The following DIS3L2 variants were observed in gnomAD, a reference collection of about 807,000 sequenced individuals.
The protein encoded by DIS3L2 is DIS3 like 3'-5' exoribonuclease 2.
A neutral mutation model predicts 97.5 loss-of-function variants in DIS3L2; 34 were observed. The ratio of observed to expected loss-of-function variants is 0.35; its 90% CI spans 0.27 to 0.46. The LOEUF is 0.46. Ranked by LOEUF, DIS3L2 falls within the 20% of genes least tolerant of loss-of-function variation. The pLI is 1.00. For synonymous variants in DIS3L2, 435 were observed against 445.2 expected (o/e 0.98, Z 0.29); for missense variants, 1,038 against 1,146.0 (o/e 0.91, Z 1.36).
intron 9 of DIS3L2, among the ~76,000 whole-genome samples, chr2:232,172,278 C>T (rs1410308437): frequency 6.6e-6 from 1 of 152,086 alleles, no homozygotes; most frequent in Non-Finnish European, 1.5e-5. Flanking sequence ...AAAATCAATT[C>T]CATTAGCAGT....
Position 232,018,196 on chromosome 2 carries a change from C to T in DIS3L2, c.210+2525C>T, listed in dbSNP as rs540811388. On this transcript the variant is annotated intron_variant, in intron 3 of 20. Transcript: ENST00000325385. Reference sequence around the variant, plus strand: ...CAGCGAAGGAGAGGACAGCGTTCTGCAGTGATATTAGCTTCAGCTCCCTTT... The same window carrying T: ...CAGCGAAGGAGAGGACAGCGTTCTGTAGTGATATTAGCTTCAGCTCCCTTT... Among the ~76,000 whole-genome samples, 40 of 152,288 alleles carry T rather than the reference C, an allele frequency of 2.6e-4. 1 individual carries two copies. In the South Asian group the frequency reaches 8.3e-3, roughly 32 times the overall value.
chr2:232,222,975 T>C (rs563908685), intron 10 of DIS3L2, among the ~76,000 whole-genome samples: 5 of 152,340 alleles, frequency 3.3e-5, no homozygotes, highest in Non-Finnish European at 7.3e-5. Flanking sequence ...CTCTAAGTCT[T>C]ATTCCTATGT....
intron 6 of DIS3L2, among the ~76,000 whole-genome samples, chr2:232,097,495 C>T (rs368500197): frequency 5.3e-5 from 8 of 152,124 alleles, no homozygotes; most frequent in Admixed American, 3.3e-4. Context: ...TTTCCACAGG[C>T]AGAGGAGCCT....
chr2:232,312,381 G>A (rs756506532), intron 14 of DIS3L2, among the ~76,000 whole-genome samples: 6 of 152,088 alleles, frequency 3.9e-5, no homozygotes, highest in Non-Finnish European at 8.8e-5. Context: ...CCATAGCTTA[G>A]CACTGCCACC....
chr2:232,122,470 ATTTTGG>A (rs1559651248), intron 6 of DIS3L2, among the ~76,000 whole-genome samples: 1 of 152,174 alleles, frequency 6.6e-6, no homozygotes. Context: ...TAATCCCAGC[ATTTTGG>A]AAGGCCGAGG....
chr2:232,256,811 T>C (rs970796970), intron 12 of DIS3L2, among the ~76,000 whole-genome samples: 5 of 151,898 alleles, frequency 3.3e-5, no homozygotes, highest in African/African-American at 1.2e-4. Flanking sequence ...AAAATATAAA[T>C]GAATGAATAA....
chr2:232,002,231 T>C (rs72987604), intron 1 of DIS3L2, among the ~76,000 whole-genome samples: 2,145 of 152,308 alleles, frequency 0.014, 23 homozygotes, highest in Non-Finnish European at 0.021. Context: ...CATTGCTCTG[T>C]GTGTCTGCTT....
intron 2 of DIS3L2, 115 bp from the exon 3 acceptor site, chr2:232,015,399 G>A: frequency 7.4e-7 from 1 of 1,355,918 alleles, no homozygotes; most frequent in Non-Finnish European, 9.9e-7. Flanking sequence ...CCATCAGGGA[G>A]TTTCAGTCTC....
chr2:232,032,371 G>C (rs556250210), intron 5 of DIS3L2, among the ~76,000 whole-genome samples: 16 of 152,230 alleles, frequency 1.1e-4, no homozygotes, highest in South Asian at 2.1e-4. Context: ...TTGTAAATTT[G>C]TTTAAGTTCC....
chr2:232,143,797 C>G (rs1455711207), intron 8 of DIS3L2, among the ~76,000 whole-genome samples: 1 of 152,178 alleles, frequency 6.6e-6, no homozygotes, highest in East Asian at 1.9e-4. Context: ...ATCACCAATA[C>G]TGTTCAAGTT....
chr2:232,175,475 G>T (rs1691124606), intron 9 of DIS3L2, among the ~76,000 whole-genome samples: 1 of 152,084 alleles, frequency 6.6e-6, no homozygotes, highest in Non-Finnish European at 1.5e-5. Flanking sequence ...TAGTTTTCTT[G>T]TGATAACTTT....
At chr2:232,086,590 T>TAC (rs1696628791) in intron 5 of DIS3L2, among the ~76,000 whole-genome samples, 1 of 126,068 alleles carries the variant, frequency 7.9e-6, no homozygotes, top group African/African-American at 3.1e-5. Context: ...CCTTTAAATA[T>TAC]ATATATATAT....
chr2:231,962,108 C>T (rs922003944), intron 1 of DIS3L2, among the ~76,000 whole-genome samples: 8 of 152,150 alleles, frequency 5.3e-5, no homozygotes, highest in Admixed American at 2.6e-4. Context: ...TCCCGAGGCT[C>T]GGGTCACCTG....
At chr2:232,203,801 C>A (rs1691960000) in intron 9 of DIS3L2, among the ~76,000 whole-genome samples, 1 of 152,106 alleles carries the variant, frequency 6.6e-6, no homozygotes, top group South Asian at 2.1e-4. Flanking sequence ...TGAGGGTTTA[C>A]TGGAAAAAAG....
intron 6 of DIS3L2, among the ~76,000 whole-genome samples, chr2:232,118,900 G>C (rs1003603162): frequency 6.6e-6 from 1 of 152,150 alleles, no homozygotes; most frequent in Admixed American, 6.5e-5. Flanking sequence ...AGGGGCCTTC[G>C]TGGATCTCAG....
intron 1 of DIS3L2, among the ~76,000 whole-genome samples, chr2:231,991,171 T>G (rs1693576388): frequency 1.3e-5 from 2 of 152,098 alleles, no homozygotes; most frequent in African/African-American, 4.8e-5. Flanking sequence ...TCTCCCAAAG[T>G]GCTAGGATTA....
intron 13 of DIS3L2, among the ~76,000 whole-genome samples, chr2:232,277,789 A>T (rs1412671675): frequency 6.6e-6 from 1 of 152,184 alleles, no homozygotes; most frequent in Non-Finnish European, 1.5e-5. Context: ...CCTAGATGGG[A>T]TAGCCTACGA....
intron 8 of DIS3L2, among the ~76,000 whole-genome samples, chr2:232,143,305 G>T (rs1049872356): frequency 1.6e-4 from 24 of 152,026 alleles, no homozygotes; most frequent in Non-Finnish European, 3.2e-4. Context: ...GTAGGAAGTT[G>T]GGAATATTGT....
chr2:232,006,899 G>A (rs1397118828), intron 1 of DIS3L2, among the ~76,000 whole-genome samples: 1 of 152,176 alleles, frequency 6.6e-6, no homozygotes, highest in Non-Finnish European at 1.5e-5. Context: ...TATTTAAGTA[G>A]TGAGGATTTT....
Sources: allele counts gnomAD v4.1 joint callset (sites outside exome capture counted in the v4.1 genomes callset), GRCh38; gene constraint gnomAD v4.1.1; transcripts MANE v1.5; gene names NCBI Gene and HGNC (gene_info 2026-07-23, HGNC 2026-07-21).